PTPRD: variants seen among roughly 807,000 people sequenced by gnomAD.
PTPRD encodes protein tyrosine phosphatase receptor type D.
In PTPRD, 34 loss-of-function variants were observed where a neutral mutation model predicts 214.5. The observed-to-expected ratio is 0.16, with a 90% CI of 0.12 to 0.21. The LOEUF (loss-of-function observed/expected upper bound fraction) is 0.21, where lower values mean the gene tolerates loss of function less well. Among genes scored for constraint, PTPRD ranks in the 10% least tolerant of loss-of-function variants. The probability of loss-of-function intolerance (pLI) is 1.00; values close to 1 mark genes in which losing one functional copy is unlikely to be tolerated. For missense variants in PTPRD, 2,545 were observed against 2,398.7 expected, an observed-to-expected ratio of 1.06 and a Z score of -1.27; for synonymous variants, 1,128 against 845.7, an observed-to-expected ratio of 1.33 and a Z score of -5.79.
In PTPRD at chr9:9,523,753, T is replaced by A. The variant is rs114606298; in HGVS notation, c.-237+50979A>T. ...AGACAGCATGTGGTCCTGGTTTACATCTCTCTGACTCCTACTCTGCTTTTC... is the reference window on the plus strand; with the variant it reads ...AGACAGCATGTGGTCCTGGTTTACAACTCTCTGACTCCTACTCTGCTTTTC... On this transcript the variant is annotated intron_variant, in intron 8 of 45. Coordinates refer to ENST00000381196, the MANE Select transcript of PTPRD (RefSeq NM_002839.4). 3.5e-3 allele frequency among the ~76,000 whole-genome samples: 540 copies of A among 152,284 alleles called. 2 individuals carry two copies. The highest frequency in any genetic ancestry group is 0.012 in the African/African-American group (514 of 41,552).
intron 5 of PTPRD, among the ~76,000 whole-genome samples, chr9:9,874,193 A>C (rs1010275166): frequency 6.6e-6 from 1 of 152,192 alleles, no homozygotes; most frequent in African/African-American, 2.4e-5. Flanking sequence ...GGGACATGCC[A>C]GTGGGCTGTG....
chr9:10,543,368 T>A (rs1329970174), intron 2 of PTPRD, among the ~76,000 whole-genome samples: 1 of 152,096 alleles, frequency 6.6e-6, no homozygotes, highest in African/African-American at 2.4e-5. Context: ...TTCTGACTGC[T>A]AAGAGTTCTT....
At chr9:10,294,148 G>C (rs2095607735) in intron 3 of PTPRD, among the ~76,000 whole-genome samples, 1 of 151,844 alleles carries the variant, frequency 6.6e-6, no homozygotes, top group Admixed American at 6.6e-5. Flanking sequence ...TTTTATATTG[G>C]TTGTTTCAGT....
intron 10 of PTPRD, among the ~76,000 whole-genome samples, chr9:9,068,846 G>A (rs1569525499): frequency 1.3e-5 from 2 of 152,056 alleles, no homozygotes; most frequent in Non-Finnish European, 2.9e-5. Context: ...TCCTGACCTT[G>A]TGATCTTCCC....
At chr9:10,147,271 T>TA (rs201272164) in intron 3 of PTPRD, among the ~76,000 whole-genome samples, 7,900 of 151,922 alleles carry the variant, frequency 0.052, 296 homozygotes, top group Admixed American at 0.1. Context: ...GTTCTTTTTT[T>TA]TTATTATTAT....
intron 10 of PTPRD, among the ~76,000 whole-genome samples, chr9:9,106,511 T>C (rs16928942): frequency 0.14 from 21,123 of 150,172 alleles, 1,739 homozygotes; most frequent in East Asian, 0.23. Context: ...CGATCCGACT[T>C]TAGAGGTCAC....
intron 3 of PTPRD, among the ~76,000 whole-genome samples, chr9:10,057,583 C>T (rs905870476): frequency 1.1e-4 from 16 of 152,104 alleles, no homozygotes; most frequent in Admixed American, 7.9e-4. Context: ...GTGTGGCTCA[C>T]GCCTGTAATC....
intron 10 of PTPRD, among the ~76,000 whole-genome samples, chr9:9,052,345 A>T (rs1337758888): frequency 6.6e-6 from 1 of 152,232 alleles, no homozygotes; most frequent in African/African-American, 2.4e-5. Context: ...TCATAACATC[A>T]TTGTATGAAT....
intron 2 of PTPRD, among the ~76,000 whole-genome samples, chr9:10,412,564 T>C (rs1430947254): frequency 6.6e-6 from 1 of 151,602 alleles, no homozygotes; most frequent in African/African-American, 2.4e-5. Context: ...CAGCTCATTT[T>C]ATGAGGGCAG....
At chr9:9,750,560 G>A (rs753342028) in intron 6 of PTPRD, among the ~76,000 whole-genome samples, 4 of 152,086 alleles carry the variant, frequency 2.6e-5, no homozygotes, top group Non-Finnish European at 5.9e-5. Flanking sequence ...CAAAGGGTGA[G>A]CCCAACAGAT....
At chr9:10,530,446 A>AT (rs529846014) in intron 2 of PTPRD, among the ~76,000 whole-genome samples, 7 of 152,114 alleles carry the variant, frequency 4.6e-5, no homozygotes, top group Non-Finnish European at 8.8e-5. Flanking sequence ...CAAAAAGTAC[A>AT]TTTTTTTCAG....
chr9:10,507,735 T>A (rs2133586222), intron 2 of PTPRD, among the ~76,000 whole-genome samples: 1 of 152,196 alleles, frequency 6.6e-6, no homozygotes, highest in African/African-American at 2.4e-5. Flanking sequence ...CTGGGAAAAC[T>A]GGCTAGCCAT....
chr9:8,753,387 G>A (rs548983976), intron 11 of PTPRD, among the ~76,000 whole-genome samples: 68 of 152,338 alleles, frequency 4.5e-4, no homozygotes, highest in African/African-American at 1.6e-3. Flanking sequence ...TCCTTAAGCA[G>A]GTTCTGCCGG....
intron 4 of PTPRD, among the ~76,000 whole-genome samples, chr9:10,033,254 A>G (rs1171998615): frequency 2.0e-5 from 3 of 151,890 alleles, no homozygotes; most frequent in South Asian, 4.2e-4. Flanking sequence ...TACTGGTAAG[A>G]GAGAAACAAT....
intron 5 of PTPRD, among the ~76,000 whole-genome samples, chr9:9,838,599 C>T (rs984766318): frequency 6.6e-6 from 1 of 152,164 alleles, no homozygotes; most frequent in African/African-American, 2.4e-5. Flanking sequence ...GTCCTTCACC[C>T]ACTTTTTAAT....
chr9:10,067,911 T>C (rs1428048845), intron 3 of PTPRD, among the ~76,000 whole-genome samples: 1 of 151,942 alleles, frequency 6.6e-6, no homozygotes, highest in African/African-American at 2.4e-5. Flanking sequence ...TCAATTTCAA[T>C]CTACCCATGT....
intron 10 of PTPRD, among the ~76,000 whole-genome samples, chr9:9,180,928 A>C (rs1234260123): frequency 6.6e-6 from 1 of 152,126 alleles, no homozygotes; most frequent in Non-Finnish European, 1.5e-5. Context: ...TAGATTTCTT[A>C]AGTGGCAAAA....
chr9:10,585,453 A>AG lies in PTPRD; in HGVS notation c.-600+26944dup, dbSNP rs1413410053. On this transcript the variant is annotated intron_variant, in intron 2 of 45. Coordinates refer to ENST00000381196, the MANE Select transcript of PTPRD (RefSeq NM_002839.4). ...AAAAGACAGACATATTCTCCAATTCAGAAAAAAAAAATCACGTTTCTCCAG... is the reference window on the plus strand; with the variant it reads ...AAAAGACAGACATATTCTCCAATTCAGGAAAAAAAAAATCACGTTTCTCCAG... 2.8e-5 allele frequency among the ~76,000 whole-genome samples: 4 copies of AG among 144,354 alleles called. No individual in the cohort carries two copies. In the East Asian group the frequency reaches 1.1e-3, roughly 40 times the overall value. The allele number at this position is 144,354 out of a possible 152,430, so 94.7% of individuals were successfully genotyped here.
At chr9:9,089,355 G>A (rs2099772194) in intron 10 of PTPRD, among the ~76,000 whole-genome samples, 1 of 152,202 alleles carries the variant, frequency 6.6e-6, no homozygotes. Flanking sequence ...AAGGTCTACA[G>A]TTTGCTGACT....
Sources: allele counts gnomAD v4.1 joint callset (sites outside exome capture counted in the v4.1 genomes callset), GRCh38; gene constraint gnomAD v4.1.1; transcripts MANE v1.5; gene names NCBI Gene and HGNC (gene_info 2026-07-23, HGNC 2026-07-21).